Variants in BRAF observed in about 807,000 individuals in gnomAD.
The protein encoded by BRAF is serine/threonine-protein kinase B-raf.
In BRAF, 16 loss-of-function variants were observed where a neutral mutation model predicts 104.6. The ratio of observed to expected loss-of-function variants is 0.15; its 90% CI spans 0.10 to 0.23. BRAF has a LOEUF of 0.23. Ranked by LOEUF, BRAF falls within the 10% of genes least tolerant of loss-of-function variation. The pLI is 1.00. For missense variants in BRAF, 541 were observed against 937.3 expected (o/e 0.58, Z 5.52); for synonymous variants, 310 against 341.6 (o/e 0.91, Z 1.02).
chr7:140,715,988 A>C (rs973368597), downstream of BRAF, among the ~76,000 whole-genome samples: 1 of 152,234 alleles, frequency 6.6e-6, no homozygotes, highest in African/African-American at 2.4e-5. Context: ...CTGAGTCAAC[A>C]CAGCTTGGTG....
chr7:140,820,456 A>G (rs1339239958), intron 3 of BRAF, among the ~76,000 whole-genome samples: 2 of 152,194 alleles, frequency 1.3e-5, no homozygotes, highest in African/African-American at 4.8e-5. Context: ...GCTAAATGAG[A>G]TACAACTACT....
chr7:140,889,377 C>T (rs1262142599), intron 1 of BRAF, among the ~76,000 whole-genome samples: 1 of 152,144 alleles, frequency 6.6e-6, no homozygotes, highest in Non-Finnish European at 1.5e-5. Flanking sequence ...AAACTCACTT[C>T]ATTTTTAGCT....
At chr7:140,877,854 G>A (rs1299448543) in intron 1 of BRAF, among the ~76,000 whole-genome samples, 1 of 151,986 alleles carries the variant, frequency 6.6e-6, no homozygotes, top group Non-Finnish European at 1.5e-5. Context: ...CAGATAATCT[G>A]AACACTCTTG....
chr7:140,896,891 G>C (rs1265516581), intron 1 of BRAF, among the ~76,000 whole-genome samples: 4 of 149,900 alleles, frequency 2.7e-5, no homozygotes, highest in African/African-American at 4.9e-5. Context: ...AAGGGGTGGG[G>C]GGGGAAGAGA....
intron 3 of BRAF, 194 bp downstream of exon 3, chr7:140,834,415 A>T: frequency 2.5e-6 from 2 of 795,992 alleles, no homozygotes. Flanking sequence ...AACACTAGAG[A>T]CAATACCATT....
At chr7:140,717,508 A>G (rs754830518), downstream of BRAF, among the ~76,000 whole-genome samples, 12 of 152,136 alleles carry the variant, frequency 7.9e-5, no homozygotes, top group Non-Finnish European at 1.5e-4. Flanking sequence ...TTAGCCTCCC[A>G]AAGTGCTGGG....
chr7:140,845,393 G>C (rs1019727984), intron 2 of BRAF, among the ~76,000 whole-genome samples: 3 of 152,014 alleles, frequency 2.0e-5, no homozygotes, highest in Non-Finnish European at 2.9e-5. Context: ...TATAAGCAGA[G>C]TAAAAAGGGA....
Position 140,723,405 on chromosome 7 carries a change from T to C in BRAF, c.*3089A>G. ...TATATCATTTGTATGGGATTTTATC[T>C]TCTAAAATGCCCCAGTATGCCCTAC... On this transcript the variant is annotated 3_prime_UTR_variant, in exon 20 of 20. Transcript: ENST00000644969. The C allele has an allele frequency of 9.5e-7, 1 of 1,054,674 alleles. No homozygotes were observed. Among genetic ancestry groups the C allele is most frequent in the Non-Finnish European group, 1.1e-6 (1 of 872,796 alleles). The allele number at this position is 1,054,674 out of a possible 1,614,324, so 65.3% of individuals were successfully genotyped here. A position where few individuals can be genotyped will look rare whatever the true frequency, so the allele number is the denominator to read the frequency against.
At position 140,924,513 on chromosome 7, in the gene BRAF, G is replaced by T. The variant is rs993990721; in HGVS notation, c.138+53C>A. 8.5e-6 allele frequency: 13 copies of T among 1,531,990 alleles called. No individual in the cohort carries two copies. The African/African-American group carries it at 1.5e-4, about 18-fold the overall frequency. 94.9% of individuals were successfully genotyped at this position (1,531,990 alleles called of 1,614,324 possible). On this transcript the variant is annotated intron_variant, in intron 1 of 19. Coordinates refer to ENST00000644969, the MANE Select transcript of BRAF (RefSeq NM_001374258.1). This position sits in a 1 kb window ranked among gnomAD's most constrained non-coding sequence, Gnocchi z 4.2. ...CCGCCTCTTTCCAAAATAAACACCA[G>T]CCAGCCGCCGAGCCCGGAGTCGGGA... is the stretch of plus-strand genomic sequence containing the variant.
At chr7:140,798,565 T>C (rs964612350) in intron 7 of BRAF, among the ~76,000 whole-genome samples, 49 of 150,008 alleles carry the variant, frequency 3.3e-4, no homozygotes, top group Non-Finnish European at 6.5e-4. Flanking sequence ...CGGCCTTTTT[T>C]TTTTTTTTTT....
intron 3 of BRAF, among the ~76,000 whole-genome samples, 156 bp from the exon 4 acceptor site, chr7:140,809,151 A>G (rs1250708442): frequency 6.6e-6 from 1 of 152,240 alleles, no homozygotes; most frequent in Non-Finnish European, 1.5e-5. Context: ...CTAAAGGGAA[A>G]TTATAACCCA....
At chr7:140,874,437 T>TG (rs1467452899) in intron 1 of BRAF, among the ~76,000 whole-genome samples, 1 of 150,266 alleles carries the variant, frequency 6.7e-6, no homozygotes, top group Non-Finnish European at 1.5e-5. Flanking sequence ...CCTGACCTTG[T>TG]GATCTGCCCG....
intron 3 of BRAF, among the ~76,000 whole-genome samples, chr7:140,830,580 G>C (rs1806615608): frequency 6.6e-6 from 1 of 152,118 alleles, no homozygotes; most frequent in Non-Finnish European, 1.5e-5. Context: ...GTTTTGGTGG[G>C]TTCCTGAATG....
rs1818565790 is a variant in BRAF at position 140,924,066 on chromosome 7, C to A, written c.138+500G>T. Among the ~76,000 whole-genome samples, 1 of 152,144 alleles carries A rather than the reference C, an allele frequency of 6.6e-6. No individual in the cohort carries two copies. The highest frequency in any genetic ancestry group is 2.4e-5 in the African/African-American group (1 of 41,436). ...TAGAAAAGTGAAAAAGGGCAGCGGA[C>A]TGAGAAGGGGGGCAGTCCGGGAGAG... On this transcript the variant is annotated intron_variant, in intron 1 of 19. Coordinates refer to ENST00000644969, the MANE Select transcript of BRAF (RefSeq NM_001374258.1). The surrounding 1 kb of genome is among the most constrained non-coding windows in gnomAD (Gnocchi z 4.2).
At chr7:140,754,127 A>C (rs1798010460) in intron 15 of BRAF, 60 bp downstream of exon 14, 2 of 1,515,444 alleles carry the variant, frequency 1.3e-6, no homozygotes, top group Admixed American at 3.3e-5. Flanking sequence ...GTGAAGACAA[A>C]ATGCAGAAGA....
At chr7:140,784,263 T>C (rs1801145048) in intron 10 of BRAF, among the ~76,000 whole-genome samples, 1 of 152,256 alleles carries the variant, frequency 6.6e-6, no homozygotes, top group Non-Finnish European at 1.5e-5. Context: ...TATTACATCA[T>C]ATTATATCAC....
At chr7:140,766,900 C>G (rs1330136661) in intron 14 of BRAF, among the ~76,000 whole-genome samples, 2 of 152,106 alleles carry the variant, frequency 1.3e-5, no homozygotes, top group Non-Finnish European at 2.9e-5. Flanking sequence ...ACTCTGTTAC[C>G]CAAGCTGGTC....
intron 6 of BRAF, among the ~76,000 whole-genome samples, chr7:140,800,764 TC>T (rs1267133167): frequency 1.3e-5 from 2 of 152,182 alleles, no homozygotes; most frequent in Non-Finnish European, 2.9e-5. Context: ...ATAAAAAGTA[TC>T]TACTGTAAAT....
intron 16 of BRAF, 88 bp from the exon 16 acceptor site, chr7:140,749,506 T>C: frequency 7.0e-7 from 1 of 1,419,608 alleles, no homozygotes; most frequent in Non-Finnish European, 9.8e-7. Flanking sequence ...AGCAATGCTT[T>C]TACCATTAAA....
Sources: gnomAD v4.1 joint callset for allele counts (sites outside exome capture counted in the v4.1 genomes callset) on GRCh38, gnomAD v4.1.1 for gene constraint, Gnocchi (gnomAD v3.1) non-coding constraint, MANE v1.5 for transcripts, NCBI Gene and HGNC (gene_info 2026-07-23, HGNC 2026-07-21) for gene names.